C2CD3: variants seen among roughly 807,000 people sequenced by gnomAD.
The protein encoded by C2CD3 is C2 domain-containing protein 3.
A neutral mutation model predicts 234.0 loss-of-function variants in C2CD3; 148 were observed. That is an observed-to-expected ratio of 0.63 (90% CI 0.55 to 0.72). The LOEUF (loss-of-function observed/expected upper bound fraction) is 0.72, where lower values mean the gene tolerates loss of function less well. Ranked by LOEUF, C2CD3 falls within the 30% of genes least tolerant of loss-of-function variation. The probability of loss-of-function intolerance (pLI) is 0.00; values close to 1 mark genes in which losing one functional copy is unlikely to be tolerated. For missense variants in C2CD3, 2,577 were observed against 2,811.5 expected (o/e 0.92, Z 1.89); for synonymous variants, 1,000 against 1,035.4 (o/e 0.97, Z 0.66).
At chr11:74,082,461 C>T (rs1034756733) in intron 22 of C2CD3, among the ~76,000 whole-genome samples, 2 of 152,188 alleles carry the variant, frequency 1.3e-5, no homozygotes, top group East Asian at 3.9e-4. Flanking sequence ...GAGATATGTT[C>T]CATCAATAGT....
At chr11:74,043,650 T>C (rs1193101618) in intron 28 of C2CD3, among the ~76,000 whole-genome samples, 7 of 152,186 alleles carry the variant, frequency 4.6e-5, no homozygotes, top group Non-Finnish European at 8.8e-5. Context: ...ATATCTTTTT[T>C]TTTTTTTAAA....
Position 74,025,241 on chromosome 11 carries a change from C to A in C2CD3, c.6921+3046G>T, listed in dbSNP as rs569630907. 3.3e-5 allele frequency among the ~76,000 whole-genome samples: 5 copies of A among 151,964 alleles called. No homozygotes were observed. In the East Asian group the frequency reaches 9.7e-4, roughly 29 times the overall value. On this transcript the variant is annotated intron_variant, in intron 32 of 32. Coordinates refer to ENST00000334126, the MANE Select transcript of C2CD3 (RefSeq NM_001286577.2). ...AAATCCAACTGGCTAGAAAAATGTA[C>A]CATAAGTCAAATGTCATGATTTTCA... is the stretch of plus-strand genomic sequence containing the variant.
chr11:74,108,891 AAT>A (rs1565303464), intron 12 of C2CD3, 141 bp downstream of exon 12: 22 of 278,582 alleles, frequency 7.9e-5, no homozygotes, highest in African/African-American at 4.8e-4. Context: ...TAATAATGAT[AAT>A]AATAATAATA....
chr11:74,015,073 C>T (rs1390487267), intron 32 of C2CD3, among the ~76,000 whole-genome samples: 1 of 152,244 alleles, frequency 6.6e-6, no homozygotes, highest in East Asian at 1.9e-4. Context: ...ATACAGGAAG[C>T]ACCTGCACTG....
intron 5 of C2CD3, among the ~76,000 whole-genome samples, chr11:74,136,345 T>C (rs1957860862): frequency 6.6e-6 from 1 of 152,172 alleles, no homozygotes; most frequent in South Asian, 2.1e-4. Context: ...AGGTTGCACA[T>C]TGACAGCCCA....
At chr11:74,032,369 C>T (rs1422007103) in intron 31 of C2CD3, among the ~76,000 whole-genome samples, 1 of 152,114 alleles carries the variant, frequency 6.6e-6, no homozygotes. Flanking sequence ...AGCAGGTGAG[C>T]TGATCTGATC....
In C2CD3 at chr11:74,130,122, G is replaced by GGGGAGAGGGAGA. The variant is rs754617937; in HGVS notation, c.1217+2710_1217+2721dup. 3.8e-3 allele frequency: 529 copies of GGGGAGAGGGAGA among 137,976 alleles called. 12 individuals are homozygous for GGGGAGAGGGAGA. Among genetic ancestry groups the GGGGAGAGGGAGA allele is most frequent in the African/African-American group, 0.016 (505 of 31,686 alleles). The allele number at this position is 137,976 out of a possible 1,614,324, so 8.5% of individuals were successfully genotyped here. A position where few individuals can be genotyped will look rare whatever the true frequency, so the allele number is the denominator to read the frequency against. ...AGAGGGAGAGGGAGACCGTGGGGAG[G>GGGGAGAGGGAGA]GGGAGAGGGAGAGGGAGAGGGAGAG... On this transcript the variant is annotated intron_variant, in intron 7 of 32. Coordinates refer to ENST00000334126, the MANE Select transcript of C2CD3 (RefSeq NM_001286577.2).
At chr11:74,053,824 T>A (rs1030400656) in intron 26 of C2CD3, among the ~76,000 whole-genome samples, 2 of 152,210 alleles carry the variant, frequency 1.3e-5, no homozygotes, top group Admixed American at 1.3e-4. Context: ...ACTTGAATTC[T>A]GTAGGAGAAT....
rs373613415 is a variant in C2CD3 at position 74,117,199 on chromosome 11, A to AAT, written c.1520+1027_1520+1028dup. ...ATATATATATGAATATATATATATG[A>AAT]ATATATATATATGAATATATATATA... On this transcript the variant is annotated intron_variant, in intron 9 of 32. Transcript: ENST00000334126. Among the ~76,000 whole-genome samples, 9 of 37,706 alleles carry AAT rather than the reference A, an allele frequency of 2.4e-4. 1 individual carries two copies. The highest frequency in any genetic ancestry group is 1.4e-3 in the African/African-American group (9 of 6,296). The allele number at this position is 37,706 out of a possible 152,430, so 24.7% of individuals were successfully genotyped here. A position where few individuals can be genotyped will look rare whatever the true frequency, so the allele number is the denominator to read the frequency against.
At position 74,093,946 on chromosome 11, in the gene C2CD3, T is replaced by C. The variant is rs780989609; in HGVS notation, c.3214A>G (p.Ile1072Val). The change falls in exon 18 of 33, where the codon ATC (isoleucine) becomes GTC (valine). Residue 1072 changes from isoleucine (I) to valine (V), a missense_variant. By Grantham distance (29) the Ile-to-Val change is conservative. Coordinates refer to ENST00000334126, the MANE Select transcript of C2CD3 (RefSeq NM_001286577.2). ...GAGTGATGGTGTTCACTATTAAAGA[T>C]GGGATCTGGAACACAGAGTGTGGTT... ...TATTLCVPDP[I>V]FNSEHHHSLL... 6.2e-7 allele frequency: 1 copy of C among 1,614,082 alleles called. No homozygotes were observed. The highest frequency in any genetic ancestry group is 1.1e-5 in the South Asian group (1 of 91,072).
chr11:74,061,596 C>A (rs912800009), intron 24 of C2CD3, among the ~76,000 whole-genome samples: 1 of 152,176 alleles, frequency 6.6e-6, no homozygotes, highest in Non-Finnish European at 1.5e-5. Flanking sequence ...CACCACCAGG[C>A]CTGCCTTACA....
At position 74,074,538 on chromosome 11, in the gene C2CD3, C is replaced by T; in HGVS notation, c.4666G>A (p.Val1556Met). 6.2e-7 allele frequency: 1 copy of T among 1,614,174 alleles called. No homozygotes were observed. Among genetic ancestry groups the T allele is most frequent in the East Asian group, 2.2e-5 (1 of 44,870 alleles). Residue 1556 changes from valine to methionine, a missense_variant, in exon 24 of 33, where the codon GTG becomes ATG. Physicochemically the swap from Val to Met is conservative, Grantham distance 21. Coordinates refer to ENST00000334126, the MANE Select transcript of C2CD3 (RefSeq NM_001286577.2). ...NLSGAALRVHVVLSSLSSHLE... is the reference protein window; with the variant it reads ...NLSGAALRVHMVLSSLSSHLE... ...TGTGAGGAAAGAGAGGAAAGAACCA[C>T]ATGAACTCGCAAGGCAGCTCCTGAG...
Position 74,074,468 on chromosome 11 carries a change from T to C in C2CD3, c.4736A>G (p.His1579Arg). Residue 1579 changes from histidine (H) to arginine (R), a missense_variant, in exon 24 of 33, where the codon CAC becomes CGC. His to Arg is a conservative substitution (Grantham distance 29). Coordinates refer to ENST00000334126, the MANE Select transcript of C2CD3 (RefSeq NM_001286577.2). ...TCTGGGGAGCTGCTCAGACTCACTG[T>C]GGCTGCTGCAGTCCATGGAGTCCAG... The part of the protein sequence containing the change: ...HELDSMDCSS[H>R]SESEQLPRRN... 1 of 1,614,194 alleles carries C rather than the reference T, an allele frequency of 6.2e-7. No homozygotes were observed. Among genetic ancestry groups the C allele is most frequent in the Non-Finnish European group, 8.5e-7 (1 of 1,180,004 alleles).
At chr11:74,024,130 A>G (rs886325929) in intron 32 of C2CD3, among the ~76,000 whole-genome samples, 2 of 152,244 alleles carry the variant, frequency 1.3e-5, no homozygotes, top group Non-Finnish European at 2.9e-5. Context: ...GTTGAAAACT[A>G]GAGATAAAGA....
chr11:74,109,727 A>C (rs1956672322), intron 11 of C2CD3, among the ~76,000 whole-genome samples: 1 of 152,148 alleles, frequency 6.6e-6, no homozygotes. Flanking sequence ...GGATAAAGTG[A>C]TGGTGGTATT....
At chr11:74,104,150 G>T (rs1368147092) in intron 13 of C2CD3, among the ~76,000 whole-genome samples, 1 of 152,196 alleles carries the variant, frequency 6.6e-6, no homozygotes, top group Non-Finnish European at 1.5e-5. Context: ...GTTAACCCCA[G>T]TGGAGGAACA....
intron 7 of C2CD3, among the ~76,000 whole-genome samples, chr11:74,131,334 A>C (rs968115312): frequency 2.0e-5 from 3 of 151,704 alleles, no homozygotes; most frequent in African/African-American, 7.3e-5. Context: ...AAAAAAAAAA[A>C]AAACTATCTA....
intron 2 of C2CD3, chr11:74,168,103 CAG>C: frequency 2.3e-6 from 1 of 435,366 alleles, no homozygotes; most frequent in Non-Finnish European, 4.1e-6. Context: ...GTCTATAAAA[CAG>C]AGAAAATACC....
intron 26 of C2CD3, among the ~76,000 whole-genome samples, chr11:74,054,055 G>A (rs1419501848): frequency 6.6e-6 from 1 of 152,032 alleles, no homozygotes; most frequent in Non-Finnish European, 1.5e-5. Flanking sequence ...GGTGGATCAC[G>A]AGGTCAGGAG....
Sources: gnomAD v4.1 joint callset for allele counts (sites outside exome capture counted in the v4.1 genomes callset) on GRCh38, gnomAD v4.1.1 for gene constraint, MANE v1.5 for transcripts, NCBI Gene and HGNC (gene_info 2026-07-23, HGNC 2026-07-21) for gene names.